MTUS2: variants seen among roughly 807,000 people sequenced by gnomAD.
MTUS2 encodes microtubule-associated tumor suppressor candidate 2.
Under a neutral mutation model 114.1 loss-of-function variants are expected in MTUS2, and 40 were observed. The ratio of observed to expected loss-of-function variants is 0.35; its 90% CI spans 0.27 to 0.46. The LOEUF (loss-of-function observed/expected upper bound fraction) is 0.46. MTUS2 is among the 20% of genes least tolerant of loss of function. The pLI is 1.00. For missense variants in MTUS2, 1,679 were observed against 1,705.4 expected (o/e 0.98, Z 0.27); for synonymous variants, 688 against 672.0 (o/e 1.02, Z -0.37).
chr13:29,375,559 GTATATATATATATACATA>G lies in MTUS2; in HGVS notation c.3117+16097_3117+16114del, dbSNP rs1566163318. 5.9e-4 allele frequency among the ~76,000 whole-genome samples: 2 copies of G among 3,372 alleles called. 1 individual carries two copies. Among genetic ancestry groups the G allele is most frequent in the African/African-American group, 2.2e-3 (2 of 918 alleles). The allele number at this position is 3,372 out of a possible 152,430, so 2.2% of individuals were successfully genotyped here. ...TATACGTGTATATATATATATATACGTATATATATATATACATATATATATATACGTATATATATATAT... is the reference window on the plus strand; with the variant it reads ...TATACGTGTATATATATATATATACGTATATATATACGTATATATATATAT... On this transcript the variant is annotated intron_variant, in intron 8 of 15. Transcript: ENST00000612955.
chr13:29,170,399 T>C (rs1208080823), intron 5 of MTUS2, among the ~76,000 whole-genome samples: 1 of 152,218 alleles, frequency 6.6e-6, no homozygotes, highest in African/African-American at 2.4e-5. Context: ...TTAACGCCTA[T>C]TCAGAGTTTC....
At chr13:29,286,672 G>GTCTATCTA (rs1555261573) in intron 6 of MTUS2, among the ~76,000 whole-genome samples, 28 of 111,018 alleles carry the variant, frequency 2.5e-4, no homozygotes, top group Admixed American at 8.1e-4. Flanking sequence ...CTGTCTGTCT[G>GTCTATCTA]TCTATCTATC....
chr13:29,211,014 G>A (rs942570915), intron 5 of MTUS2, among the ~76,000 whole-genome samples: 1 of 152,086 alleles, frequency 6.6e-6, no homozygotes, highest in Non-Finnish European at 1.5e-5. Flanking sequence ...TTTGGTGATG[G>A]GCAGGGCCAT....
chr13:29,221,711 A>T (rs989724200), intron 5 of MTUS2, among the ~76,000 whole-genome samples: 1 of 151,572 alleles, frequency 6.6e-6, no homozygotes, highest in Admixed American at 6.6e-5. Context: ...TTTCATTATG[A>T]TTTGTGTTCT....
At chr13:29,198,231 T>G (rs1027903084) in intron 5 of MTUS2, among the ~76,000 whole-genome samples, 5 of 152,226 alleles carry the variant, frequency 3.3e-5, no homozygotes, top group African/African-American at 1.2e-4. Flanking sequence ...TAATCCATCT[T>G]GAGTTAATTT....
At chr13:29,351,556 T>C (rs1233479852) in intron 7 of MTUS2, among the ~76,000 whole-genome samples, 5 of 151,870 alleles carry the variant, frequency 3.3e-5, no homozygotes, top group East Asian at 1.9e-4. Context: ...ATCTAGACAC[T>C]CCACTATTCT....
At chr13:29,041,840 A>G (rs1183043608) in intron 4 of MTUS2, among the ~76,000 whole-genome samples, 2 of 152,098 alleles carry the variant, frequency 1.3e-5, no homozygotes. Flanking sequence ...TGCTGAATTC[A>G]TTTATCAGTT....
intron 4 of MTUS2, among the ~76,000 whole-genome samples, chr13:29,067,655 T>G (rs1418043568): frequency 6.6e-6 from 1 of 152,154 alleles, no homozygotes; most frequent in African/African-American, 2.4e-5. Context: ...GGGTGCTGAC[T>G]GGAGGGGGAA....
At chr13:29,154,046 G>A (rs1251877170) in intron 5 of MTUS2, among the ~76,000 whole-genome samples, 1 of 152,182 alleles carries the variant, frequency 6.6e-6, no homozygotes, top group Non-Finnish European at 1.5e-5. Flanking sequence ...GTGCATGGAG[G>A]CACACTTGGC....
intron 2 of MTUS2, among the ~76,000 whole-genome samples, chr13:28,911,602 C>G (rs1431154836): frequency 6.6e-6 from 1 of 151,988 alleles, no homozygotes; most frequent in South Asian, 2.1e-4. Context: ...AATGGTTGAA[C>G]TAATCTACAC....
chr13:29,295,525 A>C (rs937941763), intron 6 of MTUS2, among the ~76,000 whole-genome samples: 2 of 152,044 alleles, frequency 1.3e-5, no homozygotes, highest in African/African-American at 4.8e-5. Context: ...TTTAGTATTT[A>C]TCTTTGTGTG....
chr13:29,133,669 G>A (rs1566025135), intron 5 of MTUS2, among the ~76,000 whole-genome samples: 1 of 152,080 alleles, frequency 6.6e-6, no homozygotes, highest in South Asian at 2.1e-4. Context: ...TAAATGTAAG[G>A]GTTTACTTTT....
intron 6 of MTUS2, chr13:29,307,642 G>A (rs12868777): frequency 0.082 from 93,383 of 1,142,068 alleles, 4,115 homozygotes; most frequent in Non-Finnish European, 0.088. Flanking sequence ...CTTCAACAGC[G>A]ACACCCACTC....
chr13:29,285,332 C>G (rs1203002993), intron 6 of MTUS2, among the ~76,000 whole-genome samples: 1 of 152,092 alleles, frequency 6.6e-6, no homozygotes, highest in Admixed American at 6.5e-5. Context: ...CTCAAGATAA[C>G]CAAATAGCTG....
intron 2 of MTUS2, among the ~76,000 whole-genome samples, chr13:28,994,274 G>A (rs1884990548): frequency 6.6e-6 from 1 of 152,090 alleles, no homozygotes; most frequent in Non-Finnish European, 1.5e-5. Flanking sequence ...GTGTATATGT[G>A]CCACATTTTC....
intron 4 of MTUS2, among the ~76,000 whole-genome samples, chr13:29,082,762 A>G (rs1379172838): frequency 6.6e-6 from 1 of 152,154 alleles, no homozygotes; most frequent in East Asian, 1.9e-4. Context: ...AGATCAGCAC[A>G]TGGCCAGAAT....
chr13:29,031,117 G>A (rs7321572), intron 3 of MTUS2, among the ~76,000 whole-genome samples: 5,956 of 152,124 alleles, frequency 0.039, 378 homozygotes, highest in African/African-American at 0.13. Flanking sequence ...GGAGTGAGGC[G>A]ATGTGCGTGC....
In MTUS2 at chr13:28,944,722, G is replaced by A. The variant is rs571064614; in HGVS notation, c.-242-79735G>A. The stretch of plus-strand genomic sequence containing the variant: ...AACTCATCCTTGGGCTGTGGGAGTG[G>A]TCTGAACAGGCTAAATCACACAGCT... On this transcript the variant is annotated intron_variant, in intron 2 of 15. Coordinates refer to ENST00000612955, the MANE Select transcript of MTUS2 (RefSeq NM_001033602.4). 8.7e-4 allele frequency among the ~76,000 whole-genome samples: 132 copies of A among 152,268 alleles called. 2 individuals are homozygous for A. Among genetic ancestry groups the A allele is most frequent in the Admixed American group, 1.0e-3 (16 of 15,292 alleles).
intron 4 of MTUS2, among the ~76,000 whole-genome samples, chr13:29,052,327 A>G: frequency 6.6e-6 from 1 of 152,056 alleles, no homozygotes; most frequent in Middle Eastern, 3.2e-3. Context: ...CTGAAAATAC[A>G]AAAATTAGCC....
Sources: allele counts gnomAD v4.1 joint callset (sites outside exome capture counted in the v4.1 genomes callset), GRCh38; gene constraint gnomAD v4.1.1; transcripts MANE v1.5; gene names NCBI Gene and HGNC (gene_info 2026-07-23, HGNC 2026-07-21).